Variants in COPG2 observed in about 807,000 individuals in gnomAD.
COPG2 encodes coat protein complex I subunit gamma 2.
Under a neutral mutation model 46.3 loss-of-function variants are expected in COPG2, and 37 were observed. The ratio of observed to expected loss-of-function variants is 0.80; its 90% CI spans 0.61 to 1.05. The LOEUF is 1.05. Ranked by LOEUF, COPG2 falls within the 50% of genes least tolerant of loss-of-function variation. The pLI is 0.00. For synonymous variants in COPG2, 159 were observed against 129.7 expected, an observed-to-expected ratio of 1.23 and a Z score of -1.53; for missense variants, 427 against 387.8, an observed-to-expected ratio of 1.10 and a Z score of -0.85.
chr7:130,665,691 G>A (rs1310143265), intron 3 of COPG2, among the ~76,000 whole-genome samples: 7 of 152,056 alleles, frequency 4.6e-5, no homozygotes, highest in Admixed American at 6.5e-5. Context: ...ATTTGTATGA[G>A]GGACTTGAGC....
intron 5 of COPG2, among the ~76,000 whole-genome samples, chr7:130,636,648 T>C (rs782575482): frequency 6.7e-6 from 1 of 150,062 alleles, no homozygotes; most frequent in Non-Finnish European, 1.5e-5. Context: ...CTGAATACAG[T>C]ACACCAATGG....
At chr7:130,640,121 T>C (rs1554456965) in intron 5 of COPG2, among the ~76,000 whole-genome samples, 1 of 150,638 alleles carries the variant, frequency 6.6e-6, no homozygotes, top group East Asian at 1.9e-4. Context: ...CAAACAAGGA[T>C]TCTCCCCCAG....
intron 4 of COPG2, among the ~76,000 whole-genome samples, chr7:130,655,863 A>G (rs1795841178): frequency 6.6e-6 from 1 of 152,208 alleles, no homozygotes; most frequent in African/African-American, 2.4e-5. Context: ...CAGTCCATTT[A>G]CTTTATCATG....
At chr7:130,555,537 C>A (rs927693884) in intron 12 of COPG2, among the ~76,000 whole-genome samples, 37 of 152,124 alleles carry the variant, frequency 2.4e-4, no homozygotes, top group African/African-American at 8.4e-4. Flanking sequence ...ATTTTAAAGA[C>A]CAGTGTCAGC....
chr7:130,537,191 T>C (rs1799888567), intron 20 of COPG2, among the ~76,000 whole-genome samples: 1 of 151,976 alleles, frequency 6.6e-6, no homozygotes, highest in Non-Finnish European at 1.5e-5. Context: ...AGGCAGAGGC[T>C]CCCCAGAGTG....
chr7:130,641,157 T>C (rs1484574385), intron 5 of COPG2, among the ~76,000 whole-genome samples: 4 of 93,616 alleles, frequency 4.3e-5, no homozygotes, highest in South Asian at 6.7e-4. Context: ...CTAATCAACA[T>C]AGCAAGACCC....
At position 130,667,490 on chromosome 7, in the gene COPG2, A is replaced by C; in HGVS notation, c.82T>G (p.Leu28Val). ...ATACTTCCCAGTCATACCTCCTGTA[A>C]AACAGCACTCTTCTCCAGATGCTGG... ...PFQHLEKSAV[L>V]QEARIFNETP... The change falls in exon 2 of 24, where the codon TTA becomes GTA. Residue 28 changes from leucine to valine, a missense_variant. Leu to Val is a conservative substitution (Grantham distance 32). Transcript: ENST00000425248. 1.2e-6 allele frequency: 2 copies of C among 1,613,534 alleles called. No individual in the cohort carries two copies. The highest frequency in any genetic ancestry group is 2.7e-5 in the African/African-American group (2 of 75,046).
intron 20 of COPG2, among the ~76,000 whole-genome samples, chr7:130,517,523 T>C (rs1278567982): frequency 6.6e-6 from 1 of 152,208 alleles, no homozygotes; most frequent in East Asian, 1.9e-4. Flanking sequence ...AAGGGAGTTT[T>C]ATTAAGATGA....
chr7:130,571,834 C>T (rs1793906588), intron 9 of COPG2, among the ~76,000 whole-genome samples: 1 of 150,466 alleles, frequency 6.6e-6, no homozygotes. Flanking sequence ...GAAAATGCGC[C>T]CTCTCTCTCT....
intron 20 of COPG2, among the ~76,000 whole-genome samples, chr7:130,544,553 C>A (rs1407684050): frequency 6.6e-6 from 1 of 151,756 alleles, no homozygotes; most frequent in African/African-American, 2.4e-5. Flanking sequence ...GCAATAAAAC[C>A]TGATAAATAA....
chr7:130,583,344 T>A (rs1278557667), intron 9 of COPG2, among the ~76,000 whole-genome samples: 1 of 22,296 alleles, frequency 4.5e-5, no homozygotes. Flanking sequence ...CTGGGGACTG[T>A]GGGGGGTGGG....
chr7:130,533,131 G>T (rs955835053), intron 20 of COPG2, among the ~76,000 whole-genome samples: 1 of 152,128 alleles, frequency 6.6e-6, no homozygotes, highest in South Asian at 2.1e-4. Flanking sequence ...GAGCAGCTTA[G>T]AGAGGTGAGC....
intron 5 of COPG2, among the ~76,000 whole-genome samples, chr7:130,625,435 A>G (rs1795101715): frequency 6.6e-6 from 1 of 152,116 alleles, no homozygotes; most frequent in Non-Finnish European, 1.5e-5. Context: ...CACAATGTTG[A>G]ATAGCAGTGA....
At position 130,534,641 on chromosome 7, in the gene COPG2, G is replaced by T. The variant is rs1021273693; in HGVS notation, c.2149+13033C>A. Among the ~76,000 whole-genome samples, 138 of 152,256 alleles carry T rather than the reference G, an allele frequency of 9.1e-4. 1 individual carries two copies. The highest frequency in any genetic ancestry group is 3.2e-3 in the African/African-American group (132 of 41,534). The stretch of plus-strand genomic sequence containing the variant: ...GTGGCAGAGATGGGTAGAGGCAAGG[G>T]TAATTCTTTCTTGGAGGCAAGAGTG... On this transcript the variant is annotated intron_variant, in intron 20 of 23. Transcript: ENST00000425248.
At chr7:130,633,020 T>C (rs1283623239) in intron 5 of COPG2, among the ~76,000 whole-genome samples, 2 of 152,320 alleles carry the variant, frequency 1.3e-5, no homozygotes, top group African/African-American at 2.4e-5. Flanking sequence ...CCGTGTTAGT[T>C]TGCTGAGAAT....
intron 9 of COPG2, among the ~76,000 whole-genome samples, chr7:130,592,373 G>T (rs1254442016): frequency 6.9e-6 from 1 of 143,968 alleles, no homozygotes; most frequent in South Asian, 2.2e-4. Flanking sequence ...ATCCCCCTCT[G>T]CGAGAAACAC....
intron 14 of COPG2, among the ~76,000 whole-genome samples, chr7:130,553,757 G>C (rs1221664621): frequency 6.6e-6 from 1 of 152,278 alleles, no homozygotes; most frequent in Admixed American, 6.5e-5. Flanking sequence ...GAATGGTGCT[G>C]GAAAGAGGAG....
At chr7:130,557,702 CT>C (rs1793649958) in intron 12 of COPG2, among the ~76,000 whole-genome samples, 2 of 150,084 alleles carry the variant, frequency 1.3e-5, no homozygotes, top group Non-Finnish European at 3.0e-5. Context: ...GTAATCCCAG[CT>C]ACTTGGGAGG....
At chr7:130,634,358 G>C (rs36176256) in intron 5 of COPG2, among the ~76,000 whole-genome samples, 4 of 152,166 alleles carry the variant, frequency 2.6e-5, no homozygotes, top group Non-Finnish European at 4.4e-5. Context: ...CATGAGCATG[G>C]AATGTTTTTC....
Sources: allele counts gnomAD v4.1 joint callset (sites outside exome capture counted in the v4.1 genomes callset), GRCh38; gene constraint gnomAD v4.1.1; transcripts MANE v1.5; gene names NCBI Gene and HGNC (gene_info 2026-07-23, HGNC 2026-07-21).